The following SMOC1 variants were observed in gnomAD, a reference collection of about 807,000 sequenced individuals.
SMOC1 encodes the protein SPARC-related modular calcium-binding protein 1.
A neutral mutation model predicts 56.3 loss-of-function variants in SMOC1; 22 were observed. The observed-to-expected ratio is 0.39, with a 90% CI of 0.28 to 0.56. The LOEUF is 0.56. Ranked by LOEUF, SMOC1 falls within the 20% of genes least tolerant of loss-of-function variation. SMOC1 has a pLI of 0.61. For missense variants in SMOC1, 509 were observed against 565.4 expected (o/e 0.90, Z 1.01); for synonymous variants, 193 against 215.0 (o/e 0.90, Z 0.89).
chr14:70,030,131 G>A, intron 11 of SMOC1, 111 bp from the exon 12 acceptor site: 4 of 1,527,492 alleles, frequency 2.6e-6, no homozygotes, highest in South Asian at 2.3e-5. Flanking sequence ...TGCACTTGTG[G>A]GGAAATTGAT....
chr14:69,934,534 G>A (rs964545244), intron 1 of SMOC1, among the ~76,000 whole-genome samples: 4 of 152,224 alleles, frequency 2.6e-5, no homozygotes, highest in African/African-American at 9.6e-5. Context: ...AACCACAGGG[G>A]AGAAGTGTTG....
intron 1 of SMOC1, among the ~76,000 whole-genome samples, chr14:69,917,466 G>A (rs939244195): frequency 2.3e-4 from 35 of 152,300 alleles, no homozygotes; most frequent in African/African-American, 6.5e-4. Flanking sequence ...AACAAAACAC[G>A]TAGAGGTACA....
At chr14:69,977,335 C>T (rs1278092824) in intron 4 of SMOC1, among the ~76,000 whole-genome samples, 1 of 152,206 alleles carries the variant, frequency 6.6e-6, no homozygotes, top group Non-Finnish European at 1.5e-5. Context: ...GGCAAACATA[C>T]CTGCTACCCG....
At chr14:69,997,642 C>G (rs1170092331) in intron 7 of SMOC1, among the ~76,000 whole-genome samples, 2 of 152,148 alleles carry the variant, frequency 1.3e-5, no homozygotes, top group Admixed American at 6.5e-5. Context: ...TTAAACCCAA[C>G]AAAACACTGG....
intron 7 of SMOC1, among the ~76,000 whole-genome samples, chr14:70,004,633 C>A (rs748121844): frequency 1.3e-5 from 2 of 152,354 alleles, no homozygotes; most frequent in Non-Finnish European, 2.9e-5. Context: ...GCCTGCCCAA[C>A]ATATTTTAGA....
At position 69,945,913 on chromosome 14, in the gene SMOC1, G is replaced by T. The variant is rs549327848; in HGVS notation, c.100-6225G>T. Among the ~76,000 whole-genome samples the T allele has an allele frequency of 9.2e-5, 14 of 152,282 alleles. No homozygotes were observed. The South Asian group carries it at 2.9e-3, about 32-fold the overall frequency. ...ACACCCAGGAAAAATATACGAGTAT[G>T]CATATTACCAGAAAAATACCTGTTT... On this transcript the variant is annotated intron_variant, in intron 1 of 11. Coordinates refer to ENST00000361956, the MANE Select transcript of SMOC1 (RefSeq NM_001034852.3).
rs576404999 is a variant in SMOC1, at chr14:70,031,323, G to C, written c.*1065G>C. ...ACCTACCAGTGAGGCTCCCAGAGAC[G>C]CAGCTGTCTCAGTGCCAGGGGCAGA... is the stretch of plus-strand genomic sequence containing the variant. On this transcript the variant is annotated 3_prime_UTR_variant, in exon 12 of 12. Transcript: ENST00000361956. 1 of 148,950 alleles carries C rather than the reference G, an allele frequency of 6.7e-6. No homozygotes were observed. Among genetic ancestry groups the C allele is most frequent in the South Asian group, 2.2e-4 (1 of 4,642 alleles). 9.2% of individuals were successfully genotyped at this position (148,950 alleles called of 1,614,324 possible). A position where few individuals can be genotyped will look rare whatever the true frequency, so the allele number is the denominator to read the frequency against.
rs1324250900 is a variant in SMOC1 at position 69,953,649 on chromosome 14, G to A, written c.378+117G>A. 8 of 822,208 alleles carry A rather than the reference G, an allele frequency of 9.7e-6. No individual in the cohort carries two copies. In the South Asian group the frequency reaches 9.8e-5, roughly 10 times the overall value. 50.9% of individuals were successfully genotyped at this position (822,208 alleles called of 1,614,324 possible). On this transcript the variant is annotated intron_variant, in intron 3 of 11. Coordinates refer to ENST00000361956, the MANE Select transcript of SMOC1 (RefSeq NM_001034852.3). ...TTTCTGGGAAACAGTTGAGTGAGTG[G>A]CTCTTCAACTCCCCTCTGTGCTGCC... is the stretch of plus-strand genomic sequence containing the variant.
intron 5 of SMOC1, among the ~76,000 whole-genome samples, chr14:69,990,781 C>T (rs1884537390): frequency 6.6e-6 from 1 of 152,168 alleles, no homozygotes; most frequent in Non-Finnish European, 1.5e-5. Flanking sequence ...TCTCTTCCTG[C>T]TACATCTCAT....
intron 5 of SMOC1, among the ~76,000 whole-genome samples, chr14:69,986,916 A>G (rs1020362092): frequency 1.3e-5 from 2 of 152,238 alleles, no homozygotes; most frequent in South Asian, 2.1e-4. Flanking sequence ...TACAGATCAG[A>G]ATCAGGACAG....
intron 7 of SMOC1, among the ~76,000 whole-genome samples, chr14:70,002,829 G>T (rs1285459425): frequency 2.0e-5 from 3 of 152,184 alleles, no homozygotes; most frequent in Non-Finnish European, 2.9e-5. Flanking sequence ...AACAGCAAGG[G>T]CCTGCTCAGT....
chr14:69,920,235 G>C (rs529075862), intron 1 of SMOC1, among the ~76,000 whole-genome samples: 61 of 152,308 alleles, frequency 4.0e-4, no homozygotes, highest in Non-Finnish European at 7.9e-4. Context: ...GTGATCTCTA[G>C]GTCTTTGCTA....
chr14:69,959,978 C>T (rs1342722526), intron 3 of SMOC1, among the ~76,000 whole-genome samples: 3 of 152,170 alleles, frequency 2.0e-5, no homozygotes, highest in Non-Finnish European at 4.4e-5. Context: ...AGAAACGCAT[C>T]TTCCTGACGT....
At chr14:69,980,660 A>G (rs1021653266) in intron 5 of SMOC1, among the ~76,000 whole-genome samples, 1 of 152,214 alleles carries the variant, frequency 6.6e-6, no homozygotes, top group Non-Finnish European at 1.5e-5. Flanking sequence ...CTGCCACTTA[A>G]GAATGGAATG....
chr14:69,972,555 C>T (rs1594831610), intron 3 of SMOC1, among the ~76,000 whole-genome samples: 1 of 152,180 alleles, frequency 6.6e-6, no homozygotes, highest in East Asian at 1.9e-4. Context: ...ATTTTGTAAT[C>T]TGGGCTCTCT....
intron 8 of SMOC1, 43 bp downstream of exon 8, chr14:70,010,989 G>T: frequency 6.2e-7 from 1 of 1,606,986 alleles, no homozygotes; most frequent in Admixed American, 1.7e-5. Context: ...GCACCTGCTG[G>T]CTGTTATCCA....
chr14:70,007,660 A>G (rs1210562145), intron 7 of SMOC1, among the ~76,000 whole-genome samples: 4 of 152,346 alleles, frequency 2.6e-5, no homozygotes, highest in African/African-American at 9.6e-5. Flanking sequence ...GACTGTCAGG[A>G]TCCCCAGCCT....
intron 7 of SMOC1, among the ~76,000 whole-genome samples, chr14:70,005,579 A>C (rs554129589): frequency 6.6e-6 from 1 of 152,234 alleles, no homozygotes; most frequent in South Asian, 2.1e-4. Context: ...TTTCACTTCT[A>C]TCTGAGTATT....
intron 1 of SMOC1, among the ~76,000 whole-genome samples, chr14:69,926,303 A>G (rs866336792): frequency 6.6e-6 from 1 of 152,224 alleles, no homozygotes; most frequent in Non-Finnish European, 1.5e-5. Context: ...TACCAGGGCC[A>G]ATCAATCAGC....
Sources: gnomAD v4.1 joint callset for allele counts (sites outside exome capture counted in the v4.1 genomes callset) on GRCh38, gnomAD v4.1.1 for gene constraint, MANE v1.5 for transcripts, NCBI Gene and HGNC (gene_info 2026-07-23, HGNC 2026-07-21) for gene names.